Variants in FGD6 observed in about 807,000 individuals in gnomAD.
FGD6 encodes FYVE, RhoGEF and PH domain-containing protein 6.
A neutral mutation model predicts 149.4 loss-of-function variants in FGD6; 90 were observed. The observed-to-expected ratio is 0.60, with a 90% CI of 0.51 to 0.72. FGD6 has a LOEUF of 0.72. FGD6 is among the 30% of genes least tolerant of loss of function. FGD6 has a pLI of 0.00. For missense variants in FGD6, 1,437 were observed against 1,684.8 expected (o/e 0.85, Z 2.57); for synonymous variants, 527 against 584.0 (o/e 0.90, Z 1.41).
intron 2 of FGD6, among the ~76,000 whole-genome samples, chr12:95,192,814 G>A (rs574213872): frequency 6.6e-6 from 1 of 152,300 alleles, no homozygotes; most frequent in East Asian, 1.9e-4. Flanking sequence ...CTCTGTCTGG[G>A]AAAAGGGTTT....
chr12:95,209,449 T>C lies in FGD6; in HGVS notation c.1835A>G (p.Glu612Gly). ...GTCTTTGCAAGGCTTAGTGCACTTTTCCACATCCATAGCAGATAACGATTT... is the reference window on the plus strand; with the variant it reads ...GTCTTTGCAAGGCTTAGTGCACTTTCCCACATCCATAGCAGATAACGATTT... ...RAKSLSAMDV[E>G]KCTKPCKDST... The change falls in exon 2 of 21, where the codon GAA becomes GGA. Residue 612 changes from glutamate (E) to glycine (G), a missense_variant. Coordinates refer to ENST00000343958, the MANE Select transcript of FGD6 (RefSeq NM_018351.4). 6.2e-7 allele frequency: 1 copy of C among 1,612,538 alleles called. No individual in the cohort carries two copies. Among genetic ancestry groups the C allele is most frequent in the South Asian group, 1.1e-5 (1 of 90,808 alleles).
At chr12:95,082,994 A>AAAAG (rs1877731781) in intron 20 of FGD6, among the ~76,000 whole-genome samples, 1 of 46,536 alleles carries the variant, frequency 2.1e-5, no homozygotes, top group African/African-American at 8.8e-5. Flanking sequence ...TAAAAAAAAA[A>AAAAG]AAAAAAAAAA....
intron 7 of FGD6, 45 bp from the exon 8 acceptor site, chr12:95,134,871 G>A: frequency 6.6e-7 from 1 of 1,517,480 alleles, no homozygotes; most frequent in Middle Eastern, 1.7e-4. Context: ...TTTCTAAGAA[G>A]CAAGGGACCC....
At chr12:95,126,008 T>C (rs1416253130) in intron 8 of FGD6, 5 of 1,370,792 alleles carry the variant, frequency 3.6e-6, no homozygotes, top group Non-Finnish European at 5.2e-6. Context: ...TAGACATCAA[T>C]ACAAAATGGG....
At chr12:95,166,076 CCCA>C (rs766557024) in intron 3 of FGD6, among the ~76,000 whole-genome samples, 3 of 151,396 alleles carry the variant, frequency 2.0e-5, no homozygotes, top group Non-Finnish European at 4.4e-5. Flanking sequence ...AGGGGCTTGC[CCCA>C]CCACACCTGG....
chr12:95,117,783 C>T (rs1274841712), intron 8 of FGD6, among the ~76,000 whole-genome samples: 1 of 152,142 alleles, frequency 6.6e-6, no homozygotes, highest in South Asian at 2.1e-4. Context: ...GTGGCTCATG[C>T]CTGTAATTCC....
At chr12:95,118,879 A>G (rs1185824526) in intron 8 of FGD6, among the ~76,000 whole-genome samples, 1 of 152,234 alleles carries the variant, frequency 6.6e-6, no homozygotes, top group African/African-American at 2.4e-5. Flanking sequence ...CAAAGTACTG[A>G]TCATTTTAAA....
chr12:95,144,908 C>T (rs551871334), intron 5 of FGD6, among the ~76,000 whole-genome samples: 79 of 150,554 alleles, frequency 5.2e-4, no homozygotes, highest in Non-Finnish European at 9.0e-4. Context: ...CAGCTGGTCT[C>T]GAACTCCTGA....
chr12:95,084,900 C>CTAG (rs893269273), intron 19 of FGD6, among the ~76,000 whole-genome samples: 2 of 152,162 alleles, frequency 1.3e-5, no homozygotes, highest in Admixed American at 6.5e-5. Context: ...TCACAACATC[C>CTAG]TCACTAAACC....
chr12:95,108,468 A>T, intron 10 of FGD6, 35 bp downstream of exon 10: 1 of 1,614,044 alleles, frequency 6.2e-7, no homozygotes, highest in Non-Finnish European at 8.5e-7. Flanking sequence ...TTTCAGGTTC[A>T]AGACCACACC....
rs746037289 is a variant in FGD6 at position 95,091,721 on chromosome 12, T to C, written c.3836A>G (p.Glu1279Gly). Residue 1279 changes from glutamate to glycine, a missense_variant, in exon 17 of 21, where the codon GAA becomes GGA. Glu to Gly is a moderately conservative substitution (Grantham distance 98, BLOSUM62 -2). Around this residue, in one of 2 missense-constraint regions of FGD6, gnomAD observed 382 missense variants for 538.7 expected, o/e 0.71. Transcript: ENST00000343958. ...PARVCEHCFQ[E>G]LQKLDHQHSP... ...TTATATATTACCTAATTTCTGCAGT[T>C]CTTGGAAACAATGTTCACATACTCT... 1.2e-6 allele frequency: 2 copies of C among 1,612,820 alleles called. No homozygotes were observed. Among genetic ancestry groups the C allele is most frequent in the South Asian group, 2.2e-5 (2 of 90,786 alleles).
chr12:95,176,770 T>G (rs572003483), intron 2 of FGD6, among the ~76,000 whole-genome samples: 340 of 152,320 alleles, frequency 2.2e-3, no homozygotes, highest in Non-Finnish European at 3.7e-3. Flanking sequence ...AGGTAATAAG[T>G]CACAACTAAA....
intron 2 of FGD6, among the ~76,000 whole-genome samples, chr12:95,174,943 A>AAG (rs1416192004): frequency 1.3e-5 from 2 of 151,424 alleles, no homozygotes; most frequent in Non-Finnish European, 1.5e-5. Context: ...AAAAAAAAAA[A>AAG]AAAAGAAATT....
chr12:95,087,690 A>G (rs1877924808), intron 18 of FGD6, among the ~76,000 whole-genome samples: 1 of 152,222 alleles, frequency 6.6e-6, no homozygotes, highest in Non-Finnish European at 1.5e-5. Flanking sequence ...GTGGTAATTT[A>G]TTATGCAGAA....
intron 1 of FGD6, among the ~76,000 whole-genome samples, chr12:95,216,669 C>CAAAAAAAAAAAAA (rs143881424): frequency 1.1e-5 from 1 of 88,758 alleles, no homozygotes. Context: ...TGCAGACAAG[C>CAAAAAAAAAAAAA]AAAAAAAAAA....
chr12:95,116,251 G>A (rs1278387650), intron 8 of FGD6, among the ~76,000 whole-genome samples: 1 of 152,036 alleles, frequency 6.6e-6, no homozygotes, highest in African/African-American at 2.4e-5. Context: ...TGACAGGGTT[G>A]GGGAGACAAA....
At chr12:95,169,864 T>C (rs1416527107) in intron 3 of FGD6, among the ~76,000 whole-genome samples, 1 of 152,180 alleles carries the variant, frequency 6.6e-6, no homozygotes, top group Non-Finnish European at 1.5e-5. Context: ...CTCACACCTG[T>C]AATCCCAGCA....
intron 8 of FGD6, among the ~76,000 whole-genome samples, chr12:95,122,188 CTAAGT>C (rs1453213169): frequency 2.0e-5 from 3 of 152,068 alleles, no homozygotes; most frequent in African/African-American, 7.2e-5. Context: ...CTCCAAAATT[CTAAGT>C]TAAGTTTAAT....
intron 14 of FGD6, 21 bp downstream of exon 14, chr12:95,104,986 A>AG (rs769663732): frequency 1.3e-6 from 2 of 1,499,546 alleles, no homozygotes; most frequent in South Asian, 1.3e-5. Context: ...AAAAAAAAAA[A>AG]AAGAAGAAGA....
Sources: gnomAD v4.1 joint callset for allele counts (sites outside exome capture counted in the v4.1 genomes callset) on GRCh38, gnomAD v4.1.1 for gene constraint, gnomAD v4.1.1 regional missense constraint, MANE v1.5 for transcripts, NCBI Gene and HGNC (gene_info 2026-07-23, HGNC 2026-07-21) for gene names.